Variants in DGKB observed in about 807,000 individuals in gnomAD.
DGKB encodes the protein 90 kDa diacylglycerol kinase.
In DGKB, 67 loss-of-function variants were observed where a neutral mutation model predicts 114.3. The observed-to-expected ratio is 0.59, with a 90% confidence interval of 0.48 to 0.72. The LOEUF is 0.72. Ranked by LOEUF, DGKB falls within the 30% of genes least tolerant of loss-of-function variation. DGKB has a pLI of 0.00. For missense variants in DGKB, 907 were observed against 975.2 expected (o/e 0.93, Z 0.93); for synonymous variants, 398 against 323.1 (o/e 1.23, Z -2.49).
Position 14,148,136 on chromosome 7 carries a change from T to C in DGKB, c.*995A>G, listed in dbSNP as rs1225585579. 3 of 152,532 alleles carry C rather than the reference T, an allele frequency of 2.0e-5. No individual in the cohort carries two copies. Among genetic ancestry groups the C allele is most frequent in the Admixed American group, 2.0e-4 (3 of 15,260 alleles). 9.4% of individuals were successfully genotyped at this position (152,532 alleles called of 1,614,324 possible). A position where few individuals can be genotyped will look rare whatever the true frequency, so the allele number is the denominator to read the frequency against. On this transcript the variant is annotated 3_prime_UTR_variant, in exon 26 of 26. Coordinates refer to ENST00000402815, the MANE Select transcript of DGKB (RefSeq NM_001350709.2). ...AAGAAATCATCTATTGAGCTTTGATTGTGTTGTCTGGCTTATTGTCTGTCT... is the reference window on the plus strand; with the variant it reads ...AAGAAATCATCTATTGAGCTTTGATCGTGTTGTCTGGCTTATTGTCTGTCT...
intron 20 of DGKB, among the ~76,000 whole-genome samples, chr7:14,552,395 C>T (rs1422080073): frequency 6.6e-6 from 1 of 152,174 alleles, no homozygotes; most frequent in Admixed American, 6.5e-5. Flanking sequence ...TGTAAGTACA[C>T]TGTCAGAAGT....
At chr7:14,253,330 C>A (rs1795513193) in intron 23 of DGKB, among the ~76,000 whole-genome samples, 1 of 152,134 alleles carries the variant, frequency 6.6e-6, no homozygotes, top group Admixed American at 6.5e-5. Context: ...CCAAACTCGG[C>A]CACTTAAATT....
chr7:14,308,792 G>C (rs1024560918), intron 23 of DGKB, among the ~76,000 whole-genome samples: 3 of 152,128 alleles, frequency 2.0e-5, no homozygotes, highest in Non-Finnish European at 4.4e-5. Flanking sequence ...GATAGAATGA[G>C]GTCTCCTTTG....
chr7:14,239,384 A>T (rs1202981276), intron 23 of DGKB, among the ~76,000 whole-genome samples: 1 of 152,094 alleles, frequency 6.6e-6, no homozygotes, highest in Non-Finnish European at 1.5e-5. Flanking sequence ...AATGAAATTT[A>T]AAAAGTGTTT....
At chr7:14,702,623 G>A (rs564608154) in intron 6 of DGKB, among the ~76,000 whole-genome samples, 6 of 152,218 alleles carry the variant, frequency 3.9e-5, no homozygotes, top group African/African-American at 1.2e-4. Flanking sequence ...AGAGAAGACA[G>A]ACACAGCTGT....
intron 21 of DGKB, among the ~76,000 whole-genome samples, chr7:14,434,938 G>T (rs957993678): frequency 6.6e-6 from 1 of 152,064 alleles, no homozygotes; most frequent in Non-Finnish European, 1.5e-5. Context: ...TGTTTTGCCA[G>T]TACCATCTCT....
rs76150120 is a variant in DGKB at position 14,580,253 on chromosome 7, T to A, written c.1609+609A>T. 3.3e-5 allele frequency among the ~76,000 whole-genome samples: 5 copies of A among 152,186 alleles called. No individual in the cohort carries two copies. The East Asian group carries it at 5.8e-4, about 18-fold the overall frequency. ...CTGTGTCATTATCTAGCTAGCAGTT[T>A]TTTCTTCTATGTCATATCCTCAGTG... On this transcript the variant is annotated intron_variant, in intron 19 of 25. Coordinates refer to ENST00000402815, the MANE Select transcript of DGKB (RefSeq NM_001350709.2).
intron 21 of DGKB, among the ~76,000 whole-genome samples, chr7:14,450,563 T>C (rs987451626): frequency 7.2e-5 from 11 of 152,010 alleles, no homozygotes; most frequent in Admixed American, 1.3e-4. Flanking sequence ...GATATCAGGA[T>C]TGGTCCCCTT....
rs541699639 is a variant in DGKB at position 14,759,512 on chromosome 7, G to A, written c.71-1781C>T. ...TCATGTAAATTGAATCATATAATAT[G>A]TTTCCTTTGTGTCTGGCTTCTTTCA... On this transcript the variant is annotated intron_variant, in intron 2 of 25. Transcript: ENST00000402815. Among the ~76,000 whole-genome samples, 64 of 152,168 alleles carry A rather than the reference G, an allele frequency of 4.2e-4. No individual in the cohort carries two copies. The Middle Eastern group carries it at 0.01, about 24-fold the overall frequency.
rs1240101262 is a variant in DGKB, at chr7:14,440,587, C to T, written c.1835+37574G>A. Among the ~76,000 whole-genome samples the T allele has an allele frequency of 3.3e-5, 5 of 152,308 alleles. No individual in the cohort carries two copies. In the East Asian group the frequency reaches 5.8e-4, roughly 18 times the overall value. Reference sequence around the variant, plus strand: ...AAGGTAACTCAAATTCCTTCATTGTCACTGCTGACTGATATTCTATTGCTT... The same window carrying T: ...AAGGTAACTCAAATTCCTTCATTGTTACTGCTGACTGATATTCTATTGCTT... On this transcript the variant is annotated intron_variant, in intron 21 of 25. Transcript: ENST00000402815.
chr7:14,375,583 C>T (rs1818346983), intron 21 of DGKB, among the ~76,000 whole-genome samples: 1 of 152,184 alleles, frequency 6.6e-6, no homozygotes, highest in African/African-American at 2.4e-5. Context: ...TTTCTTCCCC[C>T]TATTAACCAC....
At chr7:14,775,626 A>G (rs1046216131) in intron 2 of DGKB, among the ~76,000 whole-genome samples, 2 of 151,916 alleles carry the variant, frequency 1.3e-5, no homozygotes, top group African/African-American at 2.4e-5. Context: ...TGGTGGTTTT[A>G]TAAGGAGCTT....
chr7:14,773,680 CAT>C (rs1260463781), intron 2 of DGKB, among the ~76,000 whole-genome samples: 2 of 152,082 alleles, frequency 1.3e-5, no homozygotes, highest in Admixed American at 6.6e-5. Flanking sequence ...CACAAAAACA[CAT>C]GATCAAAACC....
At chr7:14,643,553 G>A (rs1812260951) in intron 13 of DGKB, among the ~76,000 whole-genome samples, 1 of 152,066 alleles carries the variant, frequency 6.6e-6, no homozygotes. Flanking sequence ...GAAACCAACT[G>A]GAACTGGTGG....
chr7:14,952,052 A>G (rs1786229054), intron 1 of DGKB, among the ~76,000 whole-genome samples: 2 of 140,054 alleles, frequency 1.4e-5, no homozygotes, highest in Non-Finnish European at 3.2e-5. Context: ...GGTGTAGATG[A>G]GGTCAGACAA....
chr7:14,249,234 A>G (rs1477574303), intron 23 of DGKB, among the ~76,000 whole-genome samples: 2 of 151,988 alleles, frequency 1.3e-5, no homozygotes, highest in African/African-American at 4.8e-5. Flanking sequence ...TGTGCTGCTG[A>G]ATTTGGTTTG....
At chr7:14,957,725 G>C (rs1294789347) in intron 1 of DGKB, among the ~76,000 whole-genome samples, 1 of 151,688 alleles carries the variant, frequency 6.6e-6, no homozygotes, top group East Asian at 1.9e-4. Flanking sequence ...TTACTTTTCT[G>C]TATTACCATT....
intron 23 of DGKB, among the ~76,000 whole-genome samples, chr7:14,186,851 A>G (rs1019133540): frequency 2.0e-5 from 3 of 152,090 alleles, no homozygotes; most frequent in African/African-American, 7.2e-5. Flanking sequence ...GATACAGTAG[A>G]CTTTGGGGAC....
chr7:14,179,500 A>T (rs886596572), intron 23 of DGKB, among the ~76,000 whole-genome samples: 2 of 152,178 alleles, frequency 1.3e-5, no homozygotes, highest in African/African-American at 4.8e-5. Context: ...TTGAGGTCGG[A>T]CTCATAGAAA....
Sources: gnomAD v4.1 joint callset for allele counts (sites outside exome capture counted in the v4.1 genomes callset) on GRCh38, gnomAD v4.1.1 for gene constraint, MANE v1.5 for transcripts, NCBI Gene and HGNC (gene_info 2026-07-23, HGNC 2026-07-21) for gene names.